GRB10: variants seen among roughly 807,000 people sequenced by gnomAD.
GRB10 encodes growth factor receptor-bound protein 10.
In GRB10, 20 loss-of-function variants were observed where a neutral mutation model predicts 80.9. The observed-to-expected ratio is 0.25, with a 90% CI of 0.17 to 0.36. GRB10 has a LOEUF of 0.36. Ranked by LOEUF, GRB10 falls within the 10% of genes least tolerant of loss-of-function variation. GRB10 has a pLI of 1.00. For synonymous variants in GRB10, 291 were observed against 291.5 expected (o/e 1.00, Z 0.02); for missense variants, 548 against 747.7 (o/e 0.73, Z 3.12).
intron 2 of GRB10, among the ~76,000 whole-genome samples, chr7:50,779,958 G>A (rs550995889): frequency 6.6e-6 from 1 of 152,242 alleles, no homozygotes; most frequent in African/African-American, 2.4e-5. Context: ...AGATAGTCCT[G>A]GACCCCCTGA....
At chr7:50,713,590 T>C (rs1383211879) in intron 4 of GRB10, among the ~76,000 whole-genome samples, 1 of 78,648 alleles carries the variant, frequency 1.3e-5, no homozygotes, top group Non-Finnish European at 2.5e-5. Flanking sequence ...CACCTCCACC[T>C]CCTCTACCAT....
At chr7:50,645,359 C>T (rs577603475) in intron 7 of GRB10, among the ~76,000 whole-genome samples, 30 of 152,286 alleles carry the variant, frequency 2.0e-4, no homozygotes, top group Admixed American at 3.3e-4. Flanking sequence ...CAGCCTGCTA[C>T]TTTTTCAGTA....
chr7:50,720,501 A>C (rs1351791766), intron 4 of GRB10, among the ~76,000 whole-genome samples: 1 of 152,166 alleles, frequency 6.6e-6, no homozygotes, highest in African/African-American at 2.4e-5. Context: ...CCAGGCGCCA[A>C]AAAGGCCCAG....
At chr7:50,624,159 T>C (rs147047713) in intron 8 of GRB10, among the ~76,000 whole-genome samples, 90 of 152,294 alleles carry the variant, frequency 5.9e-4, no homozygotes, top group African/African-American at 2.0e-3. Flanking sequence ...CTACCTGCCT[T>C]TTGCCCCAGC....
chr7:50,629,949 C>A (rs540033164), intron 7 of GRB10, among the ~76,000 whole-genome samples: 1 of 152,198 alleles, frequency 6.6e-6, no homozygotes, highest in African/African-American at 2.4e-5. Flanking sequence ...CAGTTCAGAG[C>A]GGAGATTGTT....
In GRB10 at chr7:50,782,663, A is replaced by T. The variant is rs1365864418; in HGVS notation, c.-566T>A. Reference sequence around the variant, plus strand: ...CGCGCCAGGCGAACGCGCTAGCACGAAAAGCGGGCCAACGCCGCCTCTGGG... The same window carrying T: ...CGCGCCAGGCGAACGCGCTAGCACGTAAAGCGGGCCAACGCCGCCTCTGGG... On this transcript the variant is annotated 5_prime_UTR_variant, in exon 1 of 19. Transcript: ENST00000401949. The surrounding 1 kb of genome is among the most constrained non-coding windows in gnomAD (Gnocchi z 6.6). 6.6e-6 allele frequency: 1 copy of T among 151,778 alleles called. No individual in the cohort carries two copies. Among genetic ancestry groups the T allele is most frequent in the Admixed American group, 6.6e-5 (1 of 15,240 alleles). The allele number at this position is 151,778 out of a possible 1,614,324, so 9.4% of individuals were successfully genotyped here.
At chr7:50,710,440 C>T (rs1384895647) in intron 4 of GRB10, among the ~76,000 whole-genome samples, 1 of 152,212 alleles carries the variant, frequency 6.6e-6, no homozygotes, top group Admixed American at 6.5e-5. Context: ...ACTAGAGCAT[C>T]AAATGCACTC....
At chr7:50,771,660 G>C (rs1391123801) in intron 2 of GRB10, among the ~76,000 whole-genome samples, 3 of 152,138 alleles carry the variant, frequency 2.0e-5, no homozygotes, top group African/African-American at 7.2e-5. Flanking sequence ...AACTGATACT[G>C]CTCTTGGCTA....
At chr7:50,767,088 C>T (rs907998848) in intron 2 of GRB10, among the ~76,000 whole-genome samples, 12 of 152,266 alleles carry the variant, frequency 7.9e-5, no homozygotes, top group African/African-American at 2.9e-4. Context: ...TGTAATCGAA[C>T]TTTTCTGCAG....
At chr7:50,774,297 G>A (rs2107911) in intron 2 of GRB10, among the ~76,000 whole-genome samples, 17,212 of 152,214 alleles carry the variant, frequency 0.11, 3,274 homozygotes, top group African/African-American at 0.39. Context: ...GCACATAGCT[G>A]TGAATATATT....
chr7:50,744,203 A>C (rs2072425313), intron 3 of GRB10, among the ~76,000 whole-genome samples: 1 of 152,186 alleles, frequency 6.6e-6, no homozygotes, highest in Non-Finnish European at 1.5e-5. Flanking sequence ...CAACACCACG[A>C]CCACAGGACT....
At chr7:50,627,935 C>T (rs1379625313) in intron 7 of GRB10, among the ~76,000 whole-genome samples, 4 of 152,168 alleles carry the variant, frequency 2.6e-5, no homozygotes, top group Non-Finnish European at 4.4e-5. Context: ...CACCCACCCA[C>T]CCGCTGGGCT....
intron 4 of GRB10, chr7:50,729,504 T>C (rs2069251379): frequency 6.6e-6 from 1 of 152,172 alleles, no homozygotes; most frequent in Non-Finnish European, 1.5e-5. Flanking sequence ...ATTAAGAGTT[T>C]TGGGGAATGG....
At position 50,749,310 on chromosome 7, in the gene GRB10, G is replaced by T. The variant is rs185790215; in HGVS notation, c.-47+6577C>A. ...TGCCCAGCTAATTTTTGTATTTTTA[G>T]TAGAAACAGGGTTTCATCATGTTGG... On this transcript the variant is annotated intron_variant, in intron 3 of 18. Coordinates refer to ENST00000401949, the MANE Select transcript of GRB10 (RefSeq NM_001350814.2). Among the ~76,000 whole-genome samples, 10 of 151,838 alleles carry T rather than the reference G, an allele frequency of 6.6e-5. No individual in the cohort carries two copies. The East Asian group carries it at 1.9e-3, about 29-fold the overall frequency.
intron 1 of GRB10, among the ~76,000 whole-genome samples, chr7:50,787,949 A>G (rs1013909154): frequency 6.6e-6 from 1 of 152,108 alleles, no homozygotes; most frequent in Non-Finnish European, 1.5e-5. Flanking sequence ...GGACAATTAG[A>G]GGGCACTGAA....
chr7:50,715,911 T>TGGCTGGA (rs1264472698), intron 4 of GRB10, among the ~76,000 whole-genome samples: 2 of 152,158 alleles, frequency 1.3e-5, no homozygotes, highest in African/African-American at 4.8e-5. Flanking sequence ...GCCCTACTAG[T>TGGCTGGA]GCCCACTCAC....
chr7:50,647,239 ATAGT>A (rs940543226), intron 7 of GRB10, among the ~76,000 whole-genome samples: 4 of 152,228 alleles, frequency 2.6e-5, no homozygotes. Flanking sequence ...GCAGATCAAA[ATAGT>A]TAGTGCTCCA....
At position 50,598,996 on chromosome 7, in the gene GRB10, G is replaced by C. The variant is rs376116403; in HGVS notation, c.1545-3466C>G. ...CCCTGGGGGGATAAGCATGGTGTTG[G>C]GGGTGGGGTGGGATTGTTTGGCAGA... On this transcript the variant is annotated intron_variant, in intron 17 of 18. Transcript: ENST00000401949. Among the ~76,000 whole-genome samples the C allele has an allele frequency of 3.9e-5, 6 of 152,096 alleles. No individual in the cohort carries two copies. The East Asian group carries it at 1.2e-3, about 29-fold the overall frequency.
chr7:50,717,031 CAA>C lies in GRB10; in HGVS notation c.52-13125_52-13124del, dbSNP rs575014343. Among the ~76,000 whole-genome samples the C allele has an allele frequency of 1.3e-4, 20 of 152,352 alleles. 1 individual carries two copies. The South Asian group carries it at 3.9e-3, about 30-fold the overall frequency. ...ATTTGGCCGGGCTGGATAAGTCAAC[CAA>C]AGTTTCTGAGCCTCACTTTTATTGT... On this transcript the variant is annotated intron_variant, in intron 4 of 18. Transcript: ENST00000401949.
Sources: allele counts gnomAD v4.1 joint callset (sites outside exome capture counted in the v4.1 genomes callset), GRCh38; gene constraint gnomAD v4.1.1; non-coding constraint Gnocchi (gnomAD v3.1); transcripts MANE v1.5; gene names NCBI Gene and HGNC (gene_info 2026-07-23, HGNC 2026-07-21).